Variants in PDS5A observed in about 807,000 individuals in gnomAD.
PDS5A encodes the protein PDS5 cohesin associated factor A.
PDS5A carries 42 observed loss-of-function variants against 167.1 expected under a neutral mutation model. That is an observed-to-expected ratio of 0.25 (90% CI 0.20 to 0.33). The LOEUF (loss-of-function observed/expected upper bound fraction) is 0.33. PDS5A is among the 10% of genes least tolerant of loss of function. The probability of loss-of-function intolerance (pLI) is 1.00; values close to 1 mark genes in which losing one functional copy is unlikely to be tolerated. For missense variants in PDS5A, 1,033 were observed against 1,605.9 expected (o/e 0.64, Z 6.10); for synonymous variants, 553 against 554.6 (o/e 1.00, Z 0.04).
chr4:39,842,939 T>TATATATATATATATATA (rs1560419736), intron 30 of PDS5A, among the ~76,000 whole-genome samples: 6 of 31,858 alleles, frequency 1.9e-4, no homozygotes, highest in African/African-American at 1.2e-3. Flanking sequence ...ATATATATAT[T>TATATATATATATATATA]TTAAGAGACA....
intron 2 of PDS5A, 55 bp downstream of exon 2, chr4:39,976,385 A>G (rs35426579): frequency 0.27 from 412,595 of 1,520,352 alleles, 60,149 homozygotes; most frequent in Admixed American, 0.31. Flanking sequence ...GGGTAGCAGT[A>G]TCACAGGAGA....
intron 11 of PDS5A, among the ~76,000 whole-genome samples, chr4:39,907,959 C>T (rs1331422765): frequency 1.3e-5 from 2 of 152,116 alleles, no homozygotes; most frequent in Non-Finnish European, 2.9e-5. Flanking sequence ...TCATTATTGT[C>T]CTTAGCTTGG....
At chr4:39,964,759 G>A (rs1729817697) in intron 2 of PDS5A, among the ~76,000 whole-genome samples, 1 of 151,992 alleles carries the variant, frequency 6.6e-6, no homozygotes, top group Admixed American at 6.6e-5. Context: ...CACTTTGGGA[G>A]ACCAGCCTGG....
intron 32 of PDS5A, chr4:39,837,596 C>G (rs1716546275): frequency 2.5e-6 from 1 of 394,784 alleles, no homozygotes; most frequent in Admixed American, 4.1e-5. Flanking sequence ...AAATATTTGT[C>G]TTGTTAATAA....
chr4:39,944,752 G>A lies in PDS5A; in HGVS notation c.139-16588C>T, dbSNP rs6815152. On this transcript the variant is annotated intron_variant, in intron 2 of 32. Transcript: ENST00000303538. ...TTGATACATGCATGGCGGGTTCAAA[G>A]GCTTTGAGACTTGGTTTTAACATAA... 1.5e-3 allele frequency among the ~76,000 whole-genome samples: 216 copies of A among 148,642 alleles called. 1 individual carries two copies. The highest frequency in any genetic ancestry group is 5.0e-3 in the African/African-American group (200 of 40,258).
intron 17 of PDS5A, among the ~76,000 whole-genome samples, chr4:39,883,178 T>C (rs1467072359): frequency 1.3e-5 from 2 of 152,090 alleles, no homozygotes; most frequent in Non-Finnish European, 2.9e-5. Flanking sequence ...TCAACTAGCA[T>C]CTTTTTTTTT....
At chr4:39,909,215 G>T (rs558814385) in intron 10 of PDS5A, among the ~76,000 whole-genome samples, 1 of 151,088 alleles carries the variant, frequency 6.6e-6, no homozygotes, top group Non-Finnish European at 1.5e-5. Context: ...AACCTCCGCC[G>T]CCCAGGTTCA....
At chr4:39,837,619 C>A (rs1716547431) in intron 32 of PDS5A, 2 of 434,090 alleles carry the variant, frequency 4.6e-6, no homozygotes, top group East Asian at 3.6e-5. Flanking sequence ...ATAGAAATAT[C>A]AAAATACCAT....
At chr4:39,902,613 C>T (rs531822358) in intron 12 of PDS5A, among the ~76,000 whole-genome samples, 153 bp from the exon 13 acceptor site, 2 of 151,232 alleles carry the variant, frequency 1.3e-5, no homozygotes, top group South Asian at 2.1e-4. Flanking sequence ...ACCTCTGTCT[C>T]GCAGGTTCAA....
chr4:39,929,239 A>C (rs958491042), intron 2 of PDS5A, among the ~76,000 whole-genome samples: 3 of 151,916 alleles, frequency 2.0e-5, no homozygotes, highest in Non-Finnish European at 2.9e-5. Flanking sequence ...GTGTGTTGCC[A>C]AGAGATTACA....
chr4:39,861,750 A>G (rs940734126), intron 26 of PDS5A, among the ~76,000 whole-genome samples: 2 of 152,214 alleles, frequency 1.3e-5, no homozygotes, highest in African/African-American at 4.8e-5. Context: ...GTATGCATGT[A>G]CCAAAATATT....
chr4:39,896,923 T>C (rs1404493635), intron 16 of PDS5A, among the ~76,000 whole-genome samples: 1 of 151,878 alleles, frequency 6.6e-6, no homozygotes, highest in Non-Finnish European at 1.5e-5. Context: ...TTTTAATGCT[T>C]TAAGTTATGG....
Position 39,823,391 on chromosome 4 carries a change from A to G in PDS5A, c.*2094T>C, listed in dbSNP as rs559142188. 6.6e-6 allele frequency: 1 copy of G among 152,404 alleles called. No individual in the cohort carries two copies. Among genetic ancestry groups the G allele is most frequent in the South Asian group, 2.1e-4 (1 of 4,826 alleles). The allele number at this position is 152,404 out of a possible 1,614,324, so 9.4% of individuals were successfully genotyped here. On this transcript the variant is annotated 3_prime_UTR_variant, in exon 33 of 33. Transcript: ENST00000303538. ...TTTAACTTCTCTCCTGCAAAAATCT[A>G]AACAGGAATATATTGATGCAGATGG... is the stretch of plus-strand genomic sequence containing the variant.
intron 2 of PDS5A, chr4:39,973,753 G>A: frequency 7.7e-7 from 1 of 1,298,880 alleles, no homozygotes; most frequent in Non-Finnish European, 1.1e-6. Flanking sequence ...TGTACGAGCT[G>A]TGCCCAACCA....
intron 14 of PDS5A, among the ~76,000 whole-genome samples, 183 bp from the exon 15 acceptor site, chr4:39,899,008 T>C (rs973215376): frequency 1.2e-4 from 18 of 152,124 alleles, no homozygotes; most frequent in Admixed American, 2.6e-4. Context: ...AAGAATTACA[T>C]AGTAGCAACT....
chr4:39,891,884 G>GT (rs1387657049), intron 16 of PDS5A, among the ~76,000 whole-genome samples: 1 of 152,036 alleles, frequency 6.6e-6, no homozygotes, highest in Non-Finnish European at 1.5e-5. Context: ...CAAGGCAGGT[G>GT]GATTGCCTGA....
chr4:39,898,955 A>G (rs1448983448), intron 14 of PDS5A, 130 bp from the exon 15 acceptor site: 17 of 619,884 alleles, frequency 2.7e-5, no homozygotes, highest in Non-Finnish European at 4.6e-5. Context: ...AGTCTGCTCA[A>G]TGGAAAATGG....
intron 16 of PDS5A, 163 bp downstream of exon 16, chr4:39,898,226 T>A: frequency 7.7e-7 from 1 of 1,293,260 alleles, no homozygotes; most frequent in Non-Finnish European, 9.8e-7. Flanking sequence ...TGAGAGTGAA[T>A]GGTAAATAGA....
intron 2 of PDS5A, among the ~76,000 whole-genome samples, chr4:39,955,319 G>C (rs925530615): frequency 3.3e-5 from 5 of 152,006 alleles, no homozygotes; most frequent in Non-Finnish European, 7.4e-5. Flanking sequence ...TAGCACTCTA[G>C]GGCCGGGCGT....
Sources: gnomAD v4.1 joint callset for allele counts (sites outside exome capture counted in the v4.1 genomes callset) on GRCh38, gnomAD v4.1.1 for gene constraint, MANE v1.5 for transcripts, NCBI Gene and HGNC (gene_info 2026-07-23, HGNC 2026-07-21) for gene names.